MBOAT1: variants seen among roughly 807,000 people sequenced by gnomAD.
MBOAT1 encodes membrane-bound glycerophospholipid O-acyltransferase 1.
In MBOAT1, 67 loss-of-function variants were observed where a neutral mutation model predicts 64.4. The ratio of observed to expected loss-of-function variants is 1.04; its 90% CI spans 0.85 to 1.27. The LOEUF is 1.27. MBOAT1 is among the 50% of genes most tolerant of loss of function. The pLI is 0.00. For missense variants in MBOAT1, 563 were observed against 604.6 expected, an observed-to-expected ratio of 0.93 and a Z score of 0.72; for synonymous variants, 229 against 218.9, an observed-to-expected ratio of 1.05 and a Z score of -0.41.
At position 20,104,154 on chromosome 6, in the gene MBOAT1, C is replaced by T. The variant is rs186000837; in HGVS notation, c.1362-1742G>A. Reference sequence around the variant, plus strand: ...ATGAGCAGTAGGCTATCCCATATAGCCTCAGTATATAGTAGCCTGACTATA... The same window carrying T: ...ATGAGCAGTAGGCTATCCCATATAGTCTCAGTATATAGTAGCCTGACTATA... On this transcript the variant is annotated intron_variant, in intron 12 of 12. Transcript: ENST00000324607. 3.3e-5 allele frequency among the ~76,000 whole-genome samples: 5 copies of T among 152,260 alleles called. No individual in the cohort carries two copies. In the East Asian group the frequency reaches 7.7e-4, roughly 24 times the overall value.
intron 4 of MBOAT1, among the ~76,000 whole-genome samples, chr6:20,138,870 G>A (rs1761081247): frequency 6.6e-6 from 1 of 152,174 alleles, no homozygotes; most frequent in African/African-American, 2.4e-5. Context: ...ATATCTGCAG[G>A]ACTGGTTCCT....
chr6:20,121,756 G>A (rs1167856446), intron 8 of MBOAT1, among the ~76,000 whole-genome samples: 1 of 152,170 alleles, frequency 6.6e-6, no homozygotes, highest in Non-Finnish European at 1.5e-5. Flanking sequence ...GAAAAGGAAG[G>A]TGGGTGAGGC....
At position 20,111,881 on chromosome 6, in the gene MBOAT1, T is replaced by TATATATAC. The variant is rs1199706083; in HGVS notation, c.1209+994_1209+995insGTATATAT. Among the ~76,000 whole-genome samples the TATATATAC allele has an allele frequency of 2.3e-4, 18 of 79,834 alleles. 1 individual carries two copies. Among genetic ancestry groups the TATATATAC allele is most frequent in the African/African-American group, 9.5e-4 (18 of 18,928 alleles). The allele number at this position is 79,834 out of a possible 152,430, so 52.4% of individuals were successfully genotyped here. On this transcript the variant is annotated intron_variant, in intron 11 of 12. Transcript: ENST00000324607. The stretch of plus-strand genomic sequence containing the variant: ...ATACATATATATACATATATATATG[T>TATATATAC]ATATATATATATTCCAGCACACCTG...
chr6:20,195,647 A>G (rs1316234424), intron 1 of MBOAT1, among the ~76,000 whole-genome samples: 1 of 151,262 alleles, frequency 6.6e-6, no homozygotes, highest in Non-Finnish European at 1.5e-5. Flanking sequence ...ATGTGCACTA[A>G]TCCTTGAATA....
chr6:20,184,880 AGTGT>A (rs58865791), intron 1 of MBOAT1, among the ~76,000 whole-genome samples: 12,704 of 142,888 alleles, frequency 0.089, 642 homozygotes, highest in African/African-American at 0.15. Context: ...TTATAACTGC[AGTGT>A]GTGTGTGTGT....
chr6:20,170,305 C>A (rs1023991291), intron 1 of MBOAT1, among the ~76,000 whole-genome samples: 3 of 152,162 alleles, frequency 2.0e-5, no homozygotes, highest in Non-Finnish European at 4.4e-5. Flanking sequence ...AAGCATATAG[C>A]CCAATGCCTA....
intron 1 of MBOAT1, among the ~76,000 whole-genome samples, chr6:20,155,929 C>A (rs1020431877): frequency 1.3e-5 from 2 of 152,178 alleles, no homozygotes; most frequent in African/African-American, 4.8e-5. Context: ...TGCTTGCAGT[C>A]TGGTGTTGCC....
chr6:20,131,834 A>G (rs1041254682), intron 4 of MBOAT1, among the ~76,000 whole-genome samples: 5 of 152,142 alleles, frequency 3.3e-5, no homozygotes, highest in African/African-American at 1.2e-4. Context: ...CTGGACCAGC[A>G]CCATCAGCAT....
chr6:20,212,130 A>G lies in MBOAT1; in HGVS notation c.99+6T>C. 1 of 1,613,062 alleles carries G rather than the reference A, an allele frequency of 6.2e-7. No individual in the cohort carries two copies. Among genetic ancestry groups the G allele is most frequent in the African/African-American group, 1.3e-5 (1 of 75,006 alleles). ...TGGGGTCGCTGCGCTCCCGGCCTGC[A>G]GTTACCTGGTCCAGCGGGATGCCCA... On this transcript the variant is annotated splice_donor_region_variant and intron_variant, in intron 1 of 12. Transcript: ENST00000324607.
chr6:20,197,217 G>T (rs1198179509), intron 1 of MBOAT1, among the ~76,000 whole-genome samples: 2 of 152,052 alleles, frequency 1.3e-5, no homozygotes, highest in African/African-American at 4.8e-5. Flanking sequence ...CTCCCATGTA[G>T]CTGGGCTTAG....
chr6:20,102,438 A>G, intron 12 of MBOAT1, 26 bp from the exon 13 acceptor site: 1 of 1,567,752 alleles, frequency 6.4e-7, no homozygotes, highest in Non-Finnish European at 8.7e-7. Flanking sequence ...TACAAAAATT[A>G]TATTTCAAAT....
intron 3 of MBOAT1, 143 bp from the exon 4 acceptor site, chr6:20,144,458 T>A: frequency 1.7e-6 from 1 of 600,870 alleles, no homozygotes; most frequent in Non-Finnish European, 3.0e-6. Context: ...AGGCCACCTT[T>A]CCACCCACTA....
intron 4 of MBOAT1, among the ~76,000 whole-genome samples, chr6:20,141,132 G>A (rs1171867712): frequency 1.3e-5 from 2 of 152,114 alleles, no homozygotes; most frequent in Non-Finnish European, 2.9e-5. Flanking sequence ...TACAAATGAA[G>A]TAAGAGATTT....
chr6:20,143,419 G>A (rs1417840783), intron 4 of MBOAT1, among the ~76,000 whole-genome samples: 1 of 152,206 alleles, frequency 6.6e-6, no homozygotes, highest in Non-Finnish European at 1.5e-5. Flanking sequence ...CGGGGCAAGG[G>A]CAGTCAGGAA....
At chr6:20,121,632 T>C (rs1481635187) in intron 8 of MBOAT1, among the ~76,000 whole-genome samples, 1 of 152,166 alleles carries the variant, frequency 6.6e-6, no homozygotes, top group Non-Finnish European at 1.5e-5. Context: ...ACTTTCCCTA[T>C]GCAATGGAAT....
intron 1 of MBOAT1, among the ~76,000 whole-genome samples, chr6:20,155,107 T>C (rs1761637726): frequency 6.6e-6 from 1 of 152,242 alleles, no homozygotes; most frequent in Non-Finnish European, 1.5e-5. Flanking sequence ...TTATTGAGCA[T>C]GTGCACATGA....
chr6:20,135,381 C>G (rs143469672), intron 4 of MBOAT1, among the ~76,000 whole-genome samples: 14 of 152,268 alleles, frequency 9.2e-5, no homozygotes, highest in Non-Finnish European at 1.8e-4. Context: ...CAGCACCCCC[C>G]ATTATTGCCT....
At chr6:20,128,781 A>T in intron 5 of MBOAT1, 28 bp from the exon 6 acceptor site, 1 of 1,505,576 alleles carries the variant, frequency 6.6e-7, no homozygotes. Flanking sequence ...ATTTAGAAAT[A>T]AGATGTTTGA....
chr6:20,125,925 A>C, intron 7 of MBOAT1: 1 of 431,574 alleles, frequency 2.3e-6, no homozygotes, highest in Non-Finnish European at 4.5e-6. Context: ...AGGATATTTG[A>C]CCTGAATAAA....
Sources: gnomAD v4.1 joint callset for allele counts (sites outside exome capture counted in the v4.1 genomes callset) on GRCh38, gnomAD v4.1.1 for gene constraint, MANE v1.5 for transcripts, NCBI Gene and HGNC (gene_info 2026-07-23, HGNC 2026-07-21) for gene names.